The following PEMT variants were observed in gnomAD, a reference collection of about 807,000 sequenced individuals.
The protein encoded by PEMT is phospholipid methyltransferase.
PEMT carries 23 observed loss-of-function variants against 27.4 expected under a neutral mutation model. The observed-to-expected ratio is 0.84, with a 90% CI of 0.60 to 1.19. PEMT has a LOEUF of 1.19. PEMT is among the 50% of genes most tolerant of loss of function. The pLI is 0.00. For missense variants in PEMT, 307 were observed against 310.1 expected, an observed-to-expected ratio of 0.99 and a Z score of 0.07; for synonymous variants, 137 against 139.1, an observed-to-expected ratio of 0.98 and a Z score of 0.11.
At chr17:17,540,299 G>T (rs1908790880) in intron 2 of PEMT, among the ~76,000 whole-genome samples, 1 of 152,226 alleles carries the variant, frequency 6.6e-6, no homozygotes, top group African/African-American at 2.4e-5. Flanking sequence ...GGAGGGGGCT[G>T]CCCCAGGTGG....
At chr17:17,591,427 T>A in intron 1 of PEMT, 104 bp downstream of exon 1, 291 of 692,576 alleles carry the variant, frequency 4.2e-4, no homozygotes, top group East Asian at 1.0e-3. Flanking sequence ...GCCTGGGAAC[T>A]GGCGGCCCCG....
chr17:17,559,740 G>A (rs1187457025), intron 2 of PEMT, among the ~76,000 whole-genome samples: 1 of 152,330 alleles, frequency 6.6e-6, no homozygotes, highest in South Asian at 2.1e-4. Context: ...GAACAGGATG[G>A]CAACAGAAGT....
In PEMT at chr17:17,512,563, C is replaced by T. The variant is rs1336774178; in HGVS notation, c.412G>A (p.Val138Ile). 34 of 1,608,788 alleles carry T rather than the reference C, an allele frequency of 2.1e-5. No individual in the cohort carries two copies. Among genetic ancestry groups the T allele is most frequent in the East Asian group, 1.6e-4 (7 of 44,544 alleles). Reference sequence around the variant, plus strand: ...AAGAAGCTGGAGAGCACGAGCACGACGCCCAGTCCCAGGAGCGCGAGGCCC... The same window carrying T: ...AAGAAGCTGGAGAGCACGAGCACGATGCCCAGTCCCAGGAGCGCGAGGCCC... Reference protein sequence around the residue: ...SLGLALLGLGVVLVLSSFFAL... With the variant: ...SLGLALLGLGIVLVLSSFFAL... Residue 138 changes from valine (V) to isoleucine (I), a missense_variant, in exon 4 of 7, where the codon GTC (valine) becomes ATC (isoleucine). Coordinates refer to ENST00000255389, the MANE Select transcript of PEMT (RefSeq NM_148172.3). This position sits in a 1 kb window ranked among gnomAD's most constrained non-coding sequence, Gnocchi z 6.3.
At chr17:17,577,605 C>T (rs34208950) in intron 1 of PEMT, 1 of 743,180 alleles carries the variant, frequency 1.3e-6, no homozygotes, top group African/African-American at 1.9e-5. Flanking sequence ...CCGCCATCAT[C>T]TTGCATGAAA....
intron 2 of PEMT, among the ~76,000 whole-genome samples, chr17:17,557,550 C>CA (rs1443050028): frequency 6.6e-6 from 1 of 152,236 alleles, no homozygotes; most frequent in Non-Finnish European, 1.5e-5. Context: ...GTCCCTGCAG[C>CA]CTCCGGAGTC....
intron 5 of PEMT, chr17:17,508,861 G>A (rs1450121024): frequency 9.9e-6 from 4 of 405,938 alleles, no homozygotes; most frequent in Non-Finnish European, 2.0e-5. Flanking sequence ...GGCACAGGGA[G>A]TTCTGTCAGC....
upstream of PEMT, chr17:17,591,941 C>T: frequency 2.0e-6 from 2 of 985,484 alleles, no homozygotes; most frequent in Non-Finnish European, 2.4e-6. Context: ...TGGTCGCCGG[C>T]TGCCGCACCC....
At chr17:17,517,213 G>A (rs752934404) in intron 3 of PEMT, among the ~76,000 whole-genome samples, 1 of 152,132 alleles carries the variant, frequency 6.6e-6, no homozygotes, top group Non-Finnish European at 1.5e-5. Context: ...CCCCGCCCCC[G>A]CATCCAGCCT....
intron 1 of PEMT, among the ~76,000 whole-genome samples, chr17:17,584,781 G>A (rs1317097099): frequency 6.6e-6 from 1 of 152,266 alleles, no homozygotes; most frequent in South Asian, 2.1e-4. Flanking sequence ...ACTTGCAGGA[G>A]GCAGAACAGA....
chr17:17,538,284 C>A (rs1908630967), intron 2 of PEMT, among the ~76,000 whole-genome samples: 1 of 152,242 alleles, frequency 6.6e-6, no homozygotes, highest in Non-Finnish European at 1.5e-5. Context: ...AGCCTCAGGC[C>A]AGGACAGAGG....
intron 2 of PEMT, among the ~76,000 whole-genome samples, chr17:17,540,827 T>C (rs1908826869): frequency 6.6e-6 from 1 of 152,088 alleles, no homozygotes; most frequent in Admixed American, 6.5e-5. Context: ...CACTGGCGAG[T>C]GAATGGGCTC....
chr17:17,570,412 A>T (rs561174329), intron 2 of PEMT: 1 of 672,198 alleles, frequency 1.5e-6, no homozygotes, highest in African/African-American at 1.9e-5. Context: ...AACCACTCAG[A>T]TGGCCTGGGC....
At chr17:17,545,979 A>C (rs1909234663) in intron 2 of PEMT, among the ~76,000 whole-genome samples, 2 of 152,172 alleles carry the variant, frequency 1.3e-5, no homozygotes, top group South Asian at 4.1e-4. Context: ...GAAGGAGGCC[A>C]CGACTGACCT....
intron 5 of PEMT, 31 bp downstream of exon 5, chr17:17,509,403 A>C: frequency 7.0e-7 from 1 of 1,427,576 alleles, no homozygotes; most frequent in Non-Finnish European, 9.8e-7. Flanking sequence ...GGTGGCCAGC[A>C]GGGCAGAGGG....
At position 17,576,978 on chromosome 17, in the gene PEMT, T is replaced by A; in HGVS notation, c.146A>T (p.Asp49Val). 6.2e-7 allele frequency: 1 copy of A among 1,613,942 alleles called. No individual in the cohort carries two copies. Reference sequence around the variant, plus strand: ...GATGACGGCAGCCACAAAGCTGGGATCCAGGGGGTCCACGTAGCCCAGCAG... The same window carrying A: ...GATGACGGCAGCCACAAAGCTGGGAACCAGGGGGTCCACGTAGCCCAGCAG... ...TRLLGYVDPL[D>V]PSFVAAVITI... Residue 49 changes from aspartate (D) to valine (V), a missense_variant, in exon 2 of 7, where the codon GAT becomes GTT. By Grantham distance (152) the Asp-to-Val change is radical (BLOSUM62 -3). Transcript: ENST00000255389.
intron 2 of PEMT, among the ~76,000 whole-genome samples, chr17:17,544,848 G>T (rs146852574): frequency 6.6e-6 from 1 of 152,312 alleles, no homozygotes; most frequent in Non-Finnish European, 1.5e-5. Flanking sequence ...GCAGAAAGGC[G>T]GGCATTTTAG....
chr17:17,575,996 G>T (rs1039597564), intron 2 of PEMT, among the ~76,000 whole-genome samples: 5 of 152,156 alleles, frequency 3.3e-5, no homozygotes, highest in Admixed American at 3.3e-4. Flanking sequence ...TGCTGCTGAC[G>T]CTGATCTTGG....
intron 2 of PEMT, among the ~76,000 whole-genome samples, chr17:17,555,677 C>T (rs1258485139): frequency 6.6e-6 from 1 of 152,236 alleles, no homozygotes; most frequent in African/African-American, 2.4e-5. Context: ...CACATCGGCT[C>T]TGACCACGGC....
At position 17,591,521 on chromosome 17, in the gene PEMT, C is replaced by A; in HGVS notation, c.96+10G>T. 1.3e-6 allele frequency: 2 copies of A among 1,599,466 alleles called. No homozygotes were observed. Among genetic ancestry groups the A allele is most frequent in the South Asian group, 2.2e-5 (2 of 90,254 alleles). The stretch of plus-strand genomic sequence containing the variant: ...TCCCAGTTTCCGCGGCGGTCCGGTG[C>A]GGTCAGTACCTGTCTAAAATCAATA... On this transcript the variant is annotated intron_variant, in intron 1 of 6. Transcript: ENST00000255389.
Sources: allele counts gnomAD v4.1 joint callset (sites outside exome capture counted in the v4.1 genomes callset), GRCh38; gene constraint gnomAD v4.1.1; non-coding constraint Gnocchi (gnomAD v3.1); transcripts MANE v1.5; gene names NCBI Gene and HGNC (gene_info 2026-07-23, HGNC 2026-07-21).